Variants in GRIA3 observed in about 807,000 individuals in gnomAD.
GRIA3 encodes glutamate receptor 3.
In GRIA3, 3 loss-of-function variants were observed where a neutral mutation model predicts 63.0. The observed-to-expected ratio is 0.05, with a 90% CI of 0.02 to 0.12. The LOEUF (loss-of-function observed/expected upper bound fraction) is 0.12. Ranked by LOEUF, GRIA3 falls within the 10% of genes least tolerant of loss-of-function variation. The probability of loss-of-function intolerance (pLI) is 1.00; values close to 1 mark genes in which losing one functional copy is unlikely to be tolerated. For missense variants in GRIA3, 347 were observed against 700.9 expected (o/e 0.50, Z 5.70); for synonymous variants, 274 against 257.9 (o/e 1.06, Z -0.60).
At chrX:123,222,290 T>C (rs1414829945) in intron 2 of GRIA3, among the ~76,000 whole-genome samples, 2 of 112,380 alleles carry the variant, frequency 1.8e-5, no homozygotes, top group Non-Finnish European at 3.8e-5. Context: ...AAATATTTTA[T>C]GAATCAATGA....
At chrX:123,379,499 G>C (rs73553743) in intron 5 of GRIA3, among the ~76,000 whole-genome samples, 3,018 of 109,816 alleles carry the variant, frequency 0.027, 86 homozygotes, top group African/African-American at 0.094. Context: ...TGTCTACTTG[G>C]TGTATGTTTG....
Position 123,184,322 on chromosome X carries a change from G to C in GRIA3, c.-214G>C. ...AGCGAGAGAGAGCGAGCGAATAAGA[G>C]AGAGAGTAAGAGGGAGAGAGAAGAA... On this transcript the variant is annotated 5_prime_UTR_variant, in exon 1 of 16. Transcript: ENST00000620443. 1 of 439,353 alleles carries C rather than the reference G, an allele frequency of 2.3e-6. No homozygotes were observed. 36.2% of individuals were successfully genotyped at this position (439,353 alleles called of 1,213,427 possible). A position where few individuals can be genotyped will look rare whatever the true frequency, so the allele number is the denominator to read the frequency against.
chrX:123,380,213 C>T (rs1470337432), intron 5 of GRIA3, among the ~76,000 whole-genome samples: 3 of 111,294 alleles, frequency 2.7e-5, no homozygotes, highest in East Asian at 2.8e-4. Context: ...CCTGAGGAAT[C>T]GCCACACTGA....
rs372381939 is a variant in GRIA3 at position 123,362,726 on chromosome X, AAGAG to A, written c.750+7781_750+7784del. Among the ~76,000 whole-genome samples the A allele has an allele frequency of 1.7e-3, 186 of 108,725 alleles. 1 individual carries two copies. The highest frequency in any genetic ancestry group is 2.6e-3 in the Non-Finnish European group (136 of 52,069). 94.4% of individuals were successfully genotyped at this position (108,725 alleles called of 115,157 possible). On this transcript the variant is annotated intron_variant, in intron 5 of 15. Transcript: ENST00000620443. ...AATGAAGCTGTTAGTAAAAAAAAAA[AAGAG>A]AGAGAGAGAGAGAGAGATCAGTGGC... is the stretch of plus-strand genomic sequence containing the variant.
intron 5 of GRIA3, among the ~76,000 whole-genome samples, chrX:123,394,407 A>G (rs2045402634): frequency 9.0e-6 from 1 of 111,481 alleles, no homozygotes; most frequent in South Asian, 3.9e-4. Context: ...TCAAAAAAAA[A>G]AGAAAGATTC....
intron 12 of GRIA3, among the ~76,000 whole-genome samples, chrX:123,458,072 A>T (rs2045771215): frequency 9.0e-6 from 1 of 111,174 alleles, no homozygotes; most frequent in Admixed American, 9.6e-5. Context: ...AGTAGATTCC[A>T]GGCTGTACAT....
intron 10 of GRIA3, among the ~76,000 whole-genome samples, chrX:123,405,653 G>A (rs1206088145): frequency 1.8e-5 from 2 of 111,692 alleles, no homozygotes; most frequent in African/African-American, 6.5e-5. Flanking sequence ...TATAAGCCTG[G>A]AAGTACTTTT....
At chrX:123,235,341 A>G (rs2044296254) in intron 2 of GRIA3, among the ~76,000 whole-genome samples, 1 of 111,983 alleles carries the variant, frequency 8.9e-6, no homozygotes, top group Non-Finnish European at 1.9e-5. Flanking sequence ...TAAATGTAGT[A>G]CTCATGAAAA....
chrX:123,288,261 TAACTC>T (rs1449178572), intron 3 of GRIA3, among the ~76,000 whole-genome samples: 1 of 111,419 alleles, frequency 9.0e-6, no homozygotes, highest in Non-Finnish European at 1.9e-5. Flanking sequence ...ATAAAAAAAT[TAACTC>T]AAGATGGATC....
chrX:123,235,895 T>C (rs151042641), intron 2 of GRIA3, among the ~76,000 whole-genome samples: 1,473 of 110,573 alleles, frequency 0.013, 16 homozygotes, highest in Non-Finnish European at 0.02. Flanking sequence ...TGTCTTACAG[T>C]TGAAGATTCT....
intron 5 of GRIA3, among the ~76,000 whole-genome samples, chrX:123,360,210 T>G (rs1303636998): frequency 9.1e-6 from 1 of 110,286 alleles, no homozygotes; most frequent in East Asian, 2.9e-4. Context: ...TTGGTAACAC[T>G]CTTAGTAGAG....
At chrX:123,481,116 T>C (rs759860651) in intron 14 of GRIA3, among the ~76,000 whole-genome samples, 36 of 111,915 alleles carry the variant, frequency 3.2e-4, no homozygotes, top group Non-Finnish European at 5.3e-4. Context: ...GAAACTGTTC[T>C]TCTTGTCACA....
chrX:123,222,734 G>C (rs916943540), intron 2 of GRIA3, among the ~76,000 whole-genome samples: 2 of 111,682 alleles, frequency 1.8e-5, no homozygotes, highest in Non-Finnish European at 3.8e-5. Context: ...TGTTGCTAGG[G>C]TTGAAAACCA....
At chrX:123,345,485 CACACACACA>C in intron 4 of GRIA3, among the ~76,000 whole-genome samples, 1 of 108,904 alleles carries the variant, frequency 9.2e-6, no homozygotes, top group East Asian at 2.9e-4. Context: ...CACACACACA[CACACACACA>C]CCTCCTTCCC....
At chrX:123,433,812 A>C (rs2045631254) in intron 12 of GRIA3, among the ~76,000 whole-genome samples, 1 of 112,064 alleles carries the variant, frequency 8.9e-6, no homozygotes, top group Non-Finnish European at 1.9e-5. Context: ...AGTTACAGGT[A>C]TTGTAAGCCC....
At chrX:123,185,502 G>A (rs1927240948) in intron 1 of GRIA3, among the ~76,000 whole-genome samples, 1 of 88,266 alleles carries the variant, frequency 1.1e-5, no homozygotes, top group African/African-American at 4.8e-5. Flanking sequence ...GATGGGCGGG[G>A]GGCGGAGGGG....
At chrX:123,282,387 A>T (rs958244900) in intron 3 of GRIA3, among the ~76,000 whole-genome samples, 4 of 112,230 alleles carry the variant, frequency 3.6e-5, no homozygotes, top group Admixed American at 9.4e-5. Flanking sequence ...ATATCTGAAA[A>T]ACAATCCCAT....
chrX:123,192,815 A>T (rs761475321), intron 2 of GRIA3, among the ~76,000 whole-genome samples: 3 of 111,277 alleles, frequency 2.7e-5, no homozygotes, highest in Non-Finnish European at 5.7e-5. Context: ...TTAATTTTTC[A>T]TGTGCACACC....
At chrX:123,349,209 G>A (rs1396397441) in intron 4 of GRIA3, among the ~76,000 whole-genome samples, 1 of 112,248 alleles carries the variant, frequency 8.9e-6, no homozygotes, top group Admixed American at 9.4e-5. Context: ...GAGAAATGCT[G>A]TTTTAGGATT....
Sources: allele counts gnomAD v4.1 joint callset (sites outside exome capture counted in the v4.1 genomes callset), GRCh38; gene constraint gnomAD v4.1.1; transcripts MANE v1.5; gene names NCBI Gene and HGNC (gene_info 2026-07-23, HGNC 2026-07-21).